RALYL: variants seen among roughly 807,000 people sequenced by gnomAD.
RALYL encodes the protein RALY RNA binding protein like.
A neutral mutation model predicts 35.1 loss-of-function variants in RALYL; 29 were observed. That is an observed-to-expected ratio of 0.83 (90% confidence interval 0.61 to 1.13). The LOEUF is 1.13. RALYL is among the 50% of genes most tolerant of loss of function. The pLI, the probability that RALYL is intolerant of heterozygous loss-of-function variation, is 0.00. For missense variants in RALYL, 359 were observed against 360.4 expected (o/e 1.00, Z 0.03); for synonymous variants, 120 against 127.6 (o/e 0.94, Z 0.40).
intron 1 of RALYL, among the ~76,000 whole-genome samples, chr8:84,242,254 G>T (rs10092306): frequency 0.5 from 75,647 of 151,996 alleles, 18,982 homozygotes; most frequent in South Asian, 0.57. Context: ...GTCTGTCATT[G>T]TTGGGCATTT....
At chr8:84,639,224 T>C (rs1392236037) in intron 2 of RALYL, among the ~76,000 whole-genome samples, 1 of 151,686 alleles carries the variant, frequency 6.6e-6, no homozygotes, top group Non-Finnish European at 1.5e-5. Context: ...AGTTAACTTA[T>C]TGACTGCTAG....
At chr8:84,359,021 A>G (rs1402233310) in intron 1 of RALYL, among the ~76,000 whole-genome samples, 3 of 152,088 alleles carry the variant, frequency 2.0e-5, no homozygotes, top group Non-Finnish European at 2.9e-5. Flanking sequence ...ATAAATATAG[A>G]AATATATTTA....
chr8:84,797,550 G>GT (rs1010954165), intron 3 of RALYL, among the ~76,000 whole-genome samples: 6 of 151,912 alleles, frequency 3.9e-5, no homozygotes, highest in Non-Finnish European at 5.9e-5. Flanking sequence ...CAGCCACATT[G>GT]TTTTTTTCTA....
intron 1 of RALYL, among the ~76,000 whole-genome samples, chr8:84,521,151 G>A (rs1004424022): frequency 1.8e-4 from 27 of 152,246 alleles, no homozygotes; most frequent in Non-Finnish European, 3.7e-4. Flanking sequence ...GGTCATGAGC[G>A]TGAAGATCCC....
chr8:84,233,169 G>C (rs936872517), intron 1 of RALYL, among the ~76,000 whole-genome samples: 1 of 151,150 alleles, frequency 6.6e-6, no homozygotes, highest in Non-Finnish European at 1.5e-5. Flanking sequence ...TTTTTTTGTA[G>C]AGATGAGGTC....
intron 1 of RALYL, among the ~76,000 whole-genome samples, chr8:84,389,712 G>A (rs1037258872): frequency 6.6e-6 from 1 of 150,570 alleles, no homozygotes; most frequent in Admixed American, 6.6e-5. Flanking sequence ...AGACTTTGCT[G>A]AAGTTGCTTA....
chr8:84,319,257 A>T (rs2130315585), intron 1 of RALYL, among the ~76,000 whole-genome samples: 1 of 152,262 alleles, frequency 6.6e-6, no homozygotes, highest in East Asian at 1.9e-4. Flanking sequence ...CTTATTCATA[A>T]TGCTAAGTGT....
At chr8:84,893,022 CTG>C (rs1349823723) in intron 8 of RALYL, among the ~76,000 whole-genome samples, 1 of 152,152 alleles carries the variant, frequency 6.6e-6, no homozygotes, top group African/African-American at 2.4e-5. Context: ...TATGAACTAA[CTG>C]AGGATAAAGG....
intron 1 of RALYL, among the ~76,000 whole-genome samples, chr8:84,310,918 G>T (rs1054887841): frequency 3.5e-5 from 5 of 144,324 alleles, no homozygotes; most frequent in Non-Finnish European, 7.6e-5. Context: ...GCGGTGGCGG[G>T]CGCCTGTAGT....
intron 2 of RALYL, among the ~76,000 whole-genome samples, chr8:84,764,612 C>G (rs1813479056): frequency 6.6e-6 from 1 of 152,150 alleles, no homozygotes; most frequent in African/African-American, 2.4e-5. Flanking sequence ...GGAGAATTTT[C>G]TGGTAACAAA....
At chr8:84,415,382 G>A (rs1206287221) in intron 1 of RALYL, among the ~76,000 whole-genome samples, 2 of 151,898 alleles carry the variant, frequency 1.3e-5, no homozygotes, top group Non-Finnish European at 2.9e-5. Flanking sequence ...TGGGATTACA[G>A]GCGCCTGCCA....
chr8:84,755,578 G>A (rs1191917813), intron 2 of RALYL, among the ~76,000 whole-genome samples: 1 of 152,124 alleles, frequency 6.6e-6, no homozygotes, highest in Non-Finnish European at 1.5e-5. Flanking sequence ...TTTACAGAAT[G>A]AATAGAATTT....
At chr8:84,385,403 G>T (rs967134327) in intron 1 of RALYL, among the ~76,000 whole-genome samples, 2 of 151,774 alleles carry the variant, frequency 1.3e-5, no homozygotes, top group Admixed American at 1.3e-4. Flanking sequence ...TAAGACAAAA[G>T]ATTAGAATAG....
chr8:84,648,288 G>T (rs1827926862), intron 2 of RALYL, among the ~76,000 whole-genome samples: 1 of 152,064 alleles, frequency 6.6e-6, no homozygotes, highest in South Asian at 2.1e-4. Context: ...ACATAAATTT[G>T]CCAGTTTATC....
At chr8:84,289,295 G>A (rs1838297483) in intron 1 of RALYL, among the ~76,000 whole-genome samples, 1 of 152,018 alleles carries the variant, frequency 6.6e-6, no homozygotes, top group African/African-American at 2.4e-5. Context: ...ATTTACATAA[G>A]GGCATAGGAA....
At chr8:84,202,757 A>G (rs1029240572) in intron 1 of RALYL, among the ~76,000 whole-genome samples, 1 of 152,136 alleles carries the variant, frequency 6.6e-6, no homozygotes, top group Non-Finnish European at 1.5e-5. Flanking sequence ...ACAAAATTGC[A>G]TTTTGTACAG....
At chr8:84,350,395 A>T (rs1017832401) in intron 1 of RALYL, among the ~76,000 whole-genome samples, 1 of 150,476 alleles carries the variant, frequency 6.6e-6, no homozygotes, top group Non-Finnish European at 1.5e-5. Context: ...AAAATGAAGA[A>T]TTTTTTTAAA....
At chr8:84,703,367 T>C (rs375539780) in intron 2 of RALYL, among the ~76,000 whole-genome samples, 2 of 152,058 alleles carry the variant, frequency 1.3e-5, no homozygotes, top group East Asian at 1.9e-4. Context: ...AGCCCTGATA[T>C]AAGGTCTGGA....
At chr8:84,719,864 T>C (rs1479967984) in intron 2 of RALYL, among the ~76,000 whole-genome samples, 1 of 152,086 alleles carries the variant, frequency 6.6e-6, no homozygotes, top group Non-Finnish European at 1.5e-5. Context: ...CAGAACTTAC[T>C]CCTCCTGTCT....
Sources: gnomAD v4.1 joint callset for allele counts (sites outside exome capture counted in the v4.1 genomes callset) on GRCh38, gnomAD v4.1.1 for gene constraint, MANE v1.5 for transcripts, NCBI Gene and HGNC (gene_info 2026-07-23, HGNC 2026-07-21) for gene names.